Variants in PCDH9 observed in about 807,000 individuals in gnomAD.
The protein encoded by PCDH9 is protocadherin 9.
A neutral mutation model predicts 70.6 loss-of-function variants in PCDH9; 24 were observed. The observed-to-expected ratio is 0.34, with a 90% confidence interval of 0.25 to 0.48. The LOEUF is 0.48. Ranked by LOEUF, PCDH9 falls within the 20% of genes least tolerant of loss-of-function variation. The pLI is 0.99. For missense variants in PCDH9, 1,281 were observed against 1,503.6 expected, an observed-to-expected ratio of 0.85 and a Z score of 2.45; for synonymous variants, 562 against 558.5, an observed-to-expected ratio of 1.01 and a Z score of -0.09.
intron 4 of PCDH9, among the ~76,000 whole-genome samples, chr13:66,593,790 T>A (rs1271575305): frequency 6.6e-6 from 1 of 151,742 alleles, no homozygotes; most frequent in African/African-American, 2.4e-5. Context: ...TTTCAAAGGA[T>A]GAAATTGATT....
chr13:67,082,107 A>T (rs2085996659), intron 2 of PCDH9, among the ~76,000 whole-genome samples: 1 of 152,170 alleles, frequency 6.6e-6, no homozygotes, highest in African/African-American at 2.4e-5. Context: ...GCATGTGATA[A>T]GAACATTTAA....
At position 67,227,244 on chromosome 13, in the gene PCDH9, C is replaced by T; in HGVS notation, c.1197G>A (p.Val399=). ...GGACCTCTCTTTCAATAAAACAGAT[C>T]ACTTTGCCATTCACATCTGTGTCCT... ...SDKDTDVNGK[V]ICFIEREVPF... is the part of the protein sequence containing the mutation. The change falls in exon 2 of 5, where the codon GTG becomes GTA. Residue 399 remains valine, a synonymous_variant. Coordinates refer to ENST00000377865, the MANE Select transcript of PCDH9 (RefSeq NM_203487.3). The surrounding 1 kb of genome is among the most constrained non-coding windows in gnomAD (Gnocchi z 4.6). The T allele has an allele frequency of 1.9e-6, 3 of 1,613,562 alleles. No homozygotes were observed. Among genetic ancestry groups the T allele is most frequent in the East Asian group, 4.5e-5 (2 of 44,878 alleles).
chr13:66,512,462 G>T (rs1400454333), intron 4 of PCDH9, among the ~76,000 whole-genome samples: 1 of 151,972 alleles, frequency 6.6e-6, no homozygotes, highest in Non-Finnish European at 1.5e-5. Flanking sequence ...ATAAGGATAG[G>T]TTCTGATAGT....
At chr13:66,455,702 T>C (rs1370841679) in intron 4 of PCDH9, among the ~76,000 whole-genome samples, 1 of 152,148 alleles carries the variant, frequency 6.6e-6, no homozygotes, top group East Asian at 1.9e-4. Flanking sequence ...ATAGTTTCTC[T>C]TCATTTATAA....
At chr13:66,853,357 T>C (rs2081345629) in intron 3 of PCDH9, among the ~76,000 whole-genome samples, 1 of 152,074 alleles carries the variant, frequency 6.6e-6, no homozygotes, top group Non-Finnish European at 1.5e-5. Flanking sequence ...ATTTCAGATC[T>C]CAGTGTTTCC....
chr13:66,645,543 T>C (rs1191760856), intron 3 of PCDH9, among the ~76,000 whole-genome samples: 2 of 152,100 alleles, frequency 1.3e-5, no homozygotes, highest in Non-Finnish European at 2.9e-5. Flanking sequence ...ATAAAACTGA[T>C]ATTTCTAAAA....
chr13:66,618,248 G>T (rs2077382759), intron 4 of PCDH9, among the ~76,000 whole-genome samples: 1 of 152,152 alleles, frequency 6.6e-6, no homozygotes, highest in African/African-American at 2.4e-5. Flanking sequence ...ATCTTTAGCT[G>T]AAGTAAGGAA....
chr13:66,677,630 C>T (rs2078261519), intron 3 of PCDH9, among the ~76,000 whole-genome samples: 2 of 152,142 alleles, frequency 1.3e-5, no homozygotes, highest in Admixed American at 6.5e-5. Flanking sequence ...TTTCTCTCTA[C>T]CTCTCTCCGC....
intron 2 of PCDH9, among the ~76,000 whole-genome samples, chr13:67,115,666 A>G (rs2138283975): frequency 6.6e-6 from 1 of 151,776 alleles, no homozygotes; most frequent in Non-Finnish European, 1.5e-5. Context: ...CAATTGATTG[A>G]TTATCCGCCT....
rs1219515837 is a variant in PCDH9 at position 66,837,182 on chromosome 13, A to T, written c.3138+66322T>A. 2.6e-5 allele frequency among the ~76,000 whole-genome samples: 4 copies of T among 152,180 alleles called. No homozygotes were observed. In the East Asian group the frequency reaches 7.7e-4, roughly 29 times the overall value. ...GGTATACTGTTAGCTGATGCTTTTT[A>T]TTTTAAAAATTTTCTTCCTTAATTC... On this transcript the variant is annotated intron_variant, in intron 3 of 4. Transcript: ENST00000377865.
chr13:67,079,084 C>G (rs1227761144), intron 2 of PCDH9, among the ~76,000 whole-genome samples: 1 of 151,598 alleles, frequency 6.6e-6, no homozygotes, highest in Non-Finnish European at 1.5e-5. Flanking sequence ...CCGAGGTGAG[C>G]GGATCACAAG....
intron 3 of PCDH9, among the ~76,000 whole-genome samples, chr13:66,770,257 C>G (rs891194255): frequency 2.0e-5 from 3 of 152,114 alleles, no homozygotes; most frequent in Non-Finnish European, 4.4e-5. Flanking sequence ...ACACTGGGTA[C>G]AGTGTACACT....
At chr13:66,817,010 A>C (rs897862003) in intron 3 of PCDH9, among the ~76,000 whole-genome samples, 42 of 151,596 alleles carry the variant, frequency 2.8e-4, no homozygotes, top group Non-Finnish European at 1.9e-4. Context: ...AAAAAAAAAA[A>C]CACCATTAAA....
At chr13:66,933,750 G>A (rs563039336) in intron 2 of PCDH9, among the ~76,000 whole-genome samples, 4 of 152,230 alleles carry the variant, frequency 2.6e-5, no homozygotes, top group South Asian at 2.1e-4. Flanking sequence ...TTAGAACCCC[G>A]TGAAGTGTCT....
intron 2 of PCDH9, among the ~76,000 whole-genome samples, chr13:66,923,783 T>G (rs990070809): frequency 1.3e-5 from 2 of 151,792 alleles, no homozygotes; most frequent in Non-Finnish European, 2.9e-5. Flanking sequence ...CGATTACTGC[T>G]TTATTAATGA....
chr13:66,512,942 A>C (rs904962627), intron 4 of PCDH9, among the ~76,000 whole-genome samples: 1 of 151,630 alleles, frequency 6.6e-6, no homozygotes, highest in Non-Finnish European at 1.5e-5. Context: ...GATCCTCCCA[A>C]CTCAGCCTCC....
At chr13:66,608,755 G>GA (rs960925478) in intron 4 of PCDH9, among the ~76,000 whole-genome samples, 19 of 150,884 alleles carry the variant, frequency 1.3e-4, no homozygotes, top group Non-Finnish European at 1.9e-4. Context: ...ACCACAGGAC[G>GA]AAAAAAAATA....
At chr13:66,681,940 T>C (rs1215524767) in intron 3 of PCDH9, among the ~76,000 whole-genome samples, 2 of 126,180 alleles carry the variant, frequency 1.6e-5, no homozygotes, top group African/African-American at 6.0e-5. Flanking sequence ...TACATATGAG[T>C]ATATACAAAC....
chr13:66,554,744 C>A (rs891619783), intron 4 of PCDH9, among the ~76,000 whole-genome samples: 1 of 151,904 alleles, frequency 6.6e-6, no homozygotes, highest in Non-Finnish European at 1.5e-5. Flanking sequence ...TTAATTTAAA[C>A]ATTTGGAGAA....
Sources: allele counts gnomAD v4.1 joint callset (sites outside exome capture counted in the v4.1 genomes callset), GRCh38; gene constraint gnomAD v4.1.1; non-coding constraint Gnocchi (gnomAD v3.1); transcripts MANE v1.5; gene names NCBI Gene and HGNC (gene_info 2026-07-23, HGNC 2026-07-21).